The following SH3GLB1 variants were observed in gnomAD, a reference collection of about 807,000 sequenced individuals.
SH3GLB1 encodes the protein endophilin-B1.
A neutral mutation model predicts 42.0 loss-of-function variants in SH3GLB1; 17 were observed. The ratio of observed to expected loss-of-function variants is 0.40; its 90% CI spans 0.28 to 0.61. The LOEUF is 0.61. SH3GLB1 is among the 20% of genes least tolerant of loss of function. The pLI is 0.36. For synonymous variants in SH3GLB1, 132 were observed against 146.6 expected, an observed-to-expected ratio of 0.90 and a Z score of 0.72; for missense variants, 355 against 426.3, an observed-to-expected ratio of 0.83 and a Z score of 1.47.
chr1:86,740,865 G>A (rs977741245), intron 7 of SH3GLB1, among the ~76,000 whole-genome samples: 3 of 152,098 alleles, frequency 2.0e-5, no homozygotes, highest in Non-Finnish European at 2.9e-5. Flanking sequence ...ATGAAAGTAA[G>A]GGAATGAGGC....
intron 7 of SH3GLB1, among the ~76,000 whole-genome samples, chr1:86,736,215 T>G (rs1241982163): frequency 2.0e-5 from 3 of 152,068 alleles, no homozygotes; most frequent in African/African-American, 7.2e-5. Flanking sequence ...TGTAAGGAGT[T>G]TGGAATTTAT....
At chr1:86,736,702 T>C (rs1014223547) in intron 7 of SH3GLB1, among the ~76,000 whole-genome samples, 14 of 152,198 alleles carry the variant, frequency 9.2e-5, no homozygotes, top group African/African-American at 2.7e-4. Context: ...TTACTGCTCT[T>C]TGAGATAAGC....
intron 5 of SH3GLB1, among the ~76,000 whole-genome samples, chr1:86,724,888 A>ATATATATATAT (rs1428217607): frequency 1.2e-4 from 12 of 99,480 alleles, no homozygotes; most frequent in African/African-American, 5.7e-4. Flanking sequence ...AAAAAAAAAA[A>ATATATATATAT]AAAAATATAT....
At chr1:86,728,064 G>C (rs1655290495) in intron 5 of SH3GLB1, among the ~76,000 whole-genome samples, 1 of 151,958 alleles carries the variant, frequency 6.6e-6, no homozygotes, top group South Asian at 2.1e-4. Context: ...TCTTTGAATA[G>C]GAAAATTTGG....
intron 6 of SH3GLB1, 74 bp from the exon 7 acceptor site, chr1:86,735,005 G>A: frequency 9.5e-7 from 1 of 1,052,684 alleles, no homozygotes; most frequent in Non-Finnish European, 1.5e-6. Context: ...ACAATATTGT[G>A]GTCTGTCTCC....
chr1:86,714,320 C>G (rs1654386654), intron 1 of SH3GLB1, among the ~76,000 whole-genome samples: 1 of 152,144 alleles, frequency 6.6e-6, no homozygotes, highest in African/African-American at 2.4e-5. Flanking sequence ...ATCCAGCTGG[C>G]CTTGGGATCA....
In SH3GLB1 at chr1:86,742,330, C is replaced by T; in HGVS notation, c.884C>T (p.Pro295Leu). 4 of 1,614,138 alleles carry T rather than the reference C, an allele frequency of 2.5e-6. No homozygotes were observed. Among genetic ancestry groups the T allele is most frequent in the Non-Finnish European group, 1.7e-6 (2 of 1,180,018 alleles). The change falls in exon 8 of 9, where the codon CCT (proline) becomes CTT (leucine). Residue 295 changes from proline (P) to leucine (L), a missense_variant. Coordinates refer to ENST00000370558, the MANE Select transcript of SH3GLB1 (RefSeq NM_016009.5). ...ASTSGLVITS[P>L]SNLSDLKECS... ...ACAAGTGGCCTAGTAATCACCTCTC[C>T]TTCCAACCTCAGTGACCTTAAGGAG...
intron 3 of SH3GLB1, among the ~76,000 whole-genome samples, chr1:86,720,143 A>G (rs2101938530): frequency 6.6e-6 from 1 of 152,304 alleles, no homozygotes; most frequent in East Asian, 1.9e-4. Context: ...TTAGTTATTC[A>G]GAGAATTCAC....
chr1:86,718,040 C>T lies in SH3GLB1; in HGVS notation c.215-1467C>T, dbSNP rs544968423. Among the ~76,000 whole-genome samples the T allele has an allele frequency of 8.2e-5, 12 of 145,474 alleles. No individual in the cohort carries two copies. In the South Asian group the frequency reaches 2.4e-3, roughly 29 times the overall value. On this transcript the variant is annotated intron_variant, in intron 2 of 8. Transcript: ENST00000370558. ...TAAGAATCAGAGTCAAAACACAAAG[C>T]TGTTTTTTTTTTTTTTTGAGACAGA...
intron 5 of SH3GLB1, chr1:86,728,460 C>T (rs1215313639): frequency 6.4e-7 from 1 of 1,551,658 alleles, no homozygotes; most frequent in East Asian, 2.4e-5. Context: ...CTCTTACATG[C>T]TCAACTTCCT....
In SH3GLB1 at chr1:86,743,573, T is replaced by C. The variant is rs890556112; in HGVS notation, c.*338T>C. 6.2e-6 allele frequency: 1 copy of C among 162,078 alleles called. No individual in the cohort carries two copies. Among genetic ancestry groups the C allele is most frequent in the African/African-American group, 2.4e-5 (1 of 41,800 alleles). 10.0% of individuals were successfully genotyped at this position (162,078 alleles called of 1,614,324 possible). A position where few individuals can be genotyped will look rare whatever the true frequency, so the allele number is the denominator to read the frequency against. On this transcript the variant is annotated 3_prime_UTR_variant, in exon 9 of 9. Coordinates refer to ENST00000370558, the MANE Select transcript of SH3GLB1 (RefSeq NM_016009.5). Reference sequence around the variant, plus strand: ...AGCTTTTTCTTTTATGTAAAATAAATCTATTGTGAATTGATATCAGCGACT... The same window carrying C: ...AGCTTTTTCTTTTATGTAAAATAAACCTATTGTGAATTGATATCAGCGACT...
chr1:86,730,773 A>G (rs956933091), intron 5 of SH3GLB1, among the ~76,000 whole-genome samples: 27 of 152,316 alleles, frequency 1.8e-4, no homozygotes, highest in African/African-American at 6.5e-4. Flanking sequence ...AAGTGCTGGC[A>G]TTACAGGCGT....
intron 2 of SH3GLB1, among the ~76,000 whole-genome samples, chr1:86,717,921 T>G (rs1161605889): frequency 2.0e-5 from 3 of 152,240 alleles, no homozygotes; most frequent in Non-Finnish European, 2.9e-5. Flanking sequence ...AATTAAACAT[T>G]TATTAGTATT....
chr1:86,705,292 C>T (rs535758935), intron 1 of SH3GLB1, among the ~76,000 whole-genome samples: 2 of 152,218 alleles, frequency 1.3e-5, no homozygotes, highest in South Asian at 4.1e-4. Context: ...TGGCCTCCAC[C>T]CCGGGGCTGG....
intron 2 of SH3GLB1, among the ~76,000 whole-genome samples, chr1:86,717,139 A>G (rs998092053): frequency 6.6e-6 from 1 of 152,206 alleles, no homozygotes; most frequent in African/African-American, 2.4e-5. Flanking sequence ...GTTGGAAATA[A>G]AATAAGCTTT....
chr1:86,726,784 G>A (rs545934616), intron 5 of SH3GLB1, among the ~76,000 whole-genome samples: 5 of 152,040 alleles, frequency 3.3e-5, no homozygotes, highest in African/African-American at 4.8e-5. Flanking sequence ...AAAGCCTGGA[G>A]GTATTCCTGT....
rs1490314420 is a variant in SH3GLB1 at position 86,745,689 on chromosome 1, T to G, written c.*2454T>G. On this transcript the variant is annotated 3_prime_UTR_variant, in exon 9 of 9. Transcript: ENST00000370558. ...TGCTTGTTCTTAGGTTTATTGCTTT[T>G]TATTTTAATGGGGTTTGGTTGTTTG... is the stretch of plus-strand genomic sequence containing the variant. 6.6e-6 allele frequency: 1 copy of G among 152,244 alleles called. No homozygotes were observed. Among genetic ancestry groups the G allele is most frequent in the African/African-American group, 2.4e-5 (1 of 41,458 alleles). The allele number at this position is 152,244 out of a possible 1,614,324, so 9.4% of individuals were successfully genotyped here. A position where few individuals can be genotyped will look rare whatever the true frequency, so the allele number is the denominator to read the frequency against.
intron 1 of SH3GLB1, among the ~76,000 whole-genome samples, chr1:86,710,694 CT>C (rs1558292974): frequency 2.0e-5 from 3 of 152,178 alleles, no homozygotes; most frequent in African/African-American, 7.2e-5. Flanking sequence ...AAGTCAATTA[CT>C]TTAATATTCT....
At chr1:86,710,191 C>A (rs1300223072) in intron 1 of SH3GLB1, among the ~76,000 whole-genome samples, 2 of 152,150 alleles carry the variant, frequency 1.3e-5, no homozygotes, top group Non-Finnish European at 2.9e-5. Context: ...TTAAAATTTA[C>A]ACTTATGTAC....
Sources: allele counts gnomAD v4.1 joint callset (sites outside exome capture counted in the v4.1 genomes callset), GRCh38; gene constraint gnomAD v4.1.1; transcripts MANE v1.5; gene names NCBI Gene and HGNC (gene_info 2026-07-23, HGNC 2026-07-21).